The following CPSF4L variants were observed in gnomAD, a reference collection of about 807,000 sequenced individuals.
CPSF4L encodes the protein cleavage and polyadenylation specific factor 4 like.
In CPSF4L, 18 loss-of-function variants were observed where a neutral mutation model predicts 24.0. The ratio of observed to expected loss-of-function variants is 0.75; its 90% CI spans 0.52 to 1.11. The LOEUF is 1.11. Among genes scored for constraint, CPSF4L ranks in the 50% least tolerant of loss-of-function variants. The pLI, the probability that CPSF4L is intolerant of heterozygous loss-of-function variation, is 0.00. For synonymous variants in CPSF4L, 72 were observed against 77.2 expected, an observed-to-expected ratio of 0.93 and a Z score of 0.35; for missense variants, 211 against 221.8, an observed-to-expected ratio of 0.95 and a Z score of 0.31.
At chr17:73,243,773 T>C (rs112480191), downstream of CPSF4L, among the ~76,000 whole-genome samples, 1 of 152,200 alleles carries the variant, frequency 6.6e-6, no homozygotes, top group African/African-American at 2.4e-5. Context: ...GACCTCATGA[T>C]TCTCCTGCCT....
chr17:73,245,043 T>C, downstream of CPSF4L: 5 of 815,684 alleles, frequency 6.1e-6, no homozygotes, highest in South Asian at 8.9e-5. Flanking sequence ...AAACTTCTCA[T>C]TGTGCTTAAT....
chr17:73,245,707 G>T (rs2061940736), downstream of CPSF4L: 1 of 985,240 alleles, frequency 1.0e-6, no homozygotes, highest in Non-Finnish European at 1.2e-6. Context: ...AAGAGCTAAG[G>T]ATGGGCATTC....
intron 5 of CPSF4L, chr17:73,251,188 G>A (rs2062004546): frequency 7.3e-7 from 1 of 1,368,794 alleles, no homozygotes; most frequent in Non-Finnish European, 9.5e-7. Context: ...CCGGGACGCT[G>A]GCCATGCATT....
intron 5 of CPSF4L, 188 bp from the exon 6 acceptor site, chr17:73,248,724 TCA>T: frequency 1.6e-6 from 1 of 635,004 alleles, no homozygotes; most frequent in South Asian, 1.9e-5. Context: ...CGGCTGTAAC[TCA>T]CACGTGGTCT....
In CPSF4L at chr17:73,253,956, C is replaced by T; in HGVS notation, c.378G>A (p.Trp126Ter). Residue 126 changes from tryptophan (W) to a stop codon, truncating the protein, a stop_gained, in exon 4 of 6, where the codon TGG becomes TGA. Transcript: ENST00000344935. LOFTEE classifies it high-confidence loss of function. ...KPAFKSQDCP[W>*]YDQGFCKDGP... ...CGTCCTTGCAGAAACCTTGGTCATA[C>T]CAAGGACAGTCCTGGGACTTGAAAG... 6.4e-7 allele frequency: 1 copy of T among 1,551,632 alleles called. No homozygotes were observed. Among genetic ancestry groups the T allele is most frequent in the Non-Finnish European group, 8.7e-7 (1 of 1,146,946 alleles).
upstream of CPSF4L, among the ~76,000 whole-genome samples, chr17:73,263,755 G>A (rs572447094): frequency 1.3e-5 from 2 of 151,534 alleles, no homozygotes; most frequent in South Asian, 4.2e-4. Context: ...GGGATGGTCG[G>A]GGGAAGACTG....
In CPSF4L at chr17:73,260,991, G is replaced by A; in HGVS notation, c.104-8C>T. 2 of 1,549,594 alleles carry A rather than the reference G, an allele frequency of 1.3e-6. No homozygotes were observed. The highest frequency in any genetic ancestry group is 1.7e-6 in the Non-Finnish European group (2 of 1,145,650). Reference sequence around the variant, plus strand: ...ACACAGCTGAGGCCGACTCTGGAAGGAGAAGAGGGAACGGAGAAGGTAGCT... The same window carrying A: ...ACACAGCTGAGGCCGACTCTGGAAGAAGAAGAGGGAACGGAGAAGGTAGCT... On this transcript the variant is annotated splice_polypyrimidine_tract_variant and splice_region_variant and intron_variant, in intron 1 of 5. Transcript: ENST00000344935.
chr17:73,248,151 A>T (rs1029740359), downstream of CPSF4L: 12 of 260,006 alleles, frequency 4.6e-5, no homozygotes, highest in Non-Finnish European at 8.2e-5. Flanking sequence ...TTTTTCGCTC[A>T]TGTATGCAAA....
At chr17:73,255,031 C>T (rs933765234) in intron 3 of CPSF4L, among the ~76,000 whole-genome samples, 1 of 152,220 alleles carries the variant, frequency 6.6e-6, no homozygotes, top group Admixed American at 6.5e-5. Flanking sequence ...ACTTTCACTT[C>T]ATTCAAGTTG....
At chr17:73,253,813 C>T (rs1442991175) in intron 4 of CPSF4L, 118 bp downstream of exon 4, 8 of 612,992 alleles carry the variant, frequency 1.3e-5, no homozygotes, top group Admixed American at 2.9e-5. Flanking sequence ...TACAGAAAGG[C>T]CTTCTATTTG....
At chr17:73,247,218 T>C (rs776485530), downstream of CPSF4L, 1 of 1,606,618 alleles carries the variant, frequency 6.2e-7, no homozygotes, top group Non-Finnish European at 8.5e-7. Context: ...AAGCTGAAAA[T>C]ATTTACTATC....
chr17:73,250,697 A>G (rs141988194), intron 5 of CPSF4L, among the ~76,000 whole-genome samples: 32 of 152,162 alleles, frequency 2.1e-4, no homozygotes, highest in Non-Finnish European at 3.2e-4. Flanking sequence ...CCTTAACCAT[A>G]CTCTGCCCTC....
chr17:73,259,038 C>CTTTCTT (rs60682139), intron 2 of CPSF4L, among the ~76,000 whole-genome samples: 104,219 of 151,358 alleles, frequency 0.69, 38,059 homozygotes, highest in East Asian at 0.81. Flanking sequence ...TCCTAAGTTT[C>CTTTCTT]TTTAATTTAT....
At chr17:73,259,100 G>A (rs907754578) in intron 2 of CPSF4L, among the ~76,000 whole-genome samples, 1 of 151,478 alleles carries the variant, frequency 6.6e-6, no homozygotes, top group Non-Finnish European at 1.5e-5. Context: ...GAGTGCAATG[G>A]CAAAGTCATG....
At chr17:73,256,629 AGAATC>A (rs1182774702) in intron 3 of CPSF4L, among the ~76,000 whole-genome samples, 3 of 152,352 alleles carry the variant, frequency 2.0e-5, no homozygotes, top group African/African-American at 7.2e-5. Flanking sequence ...TCTGAGCTGT[AGAATC>A]GTATTGTGAA....
chr17:73,247,185 C>T (rs1179761698), downstream of CPSF4L: 25 of 1,510,922 alleles, frequency 1.7e-5, no homozygotes, highest in Admixed American at 8.4e-5. Context: ...CGAGTAGTTG[C>T]GACAGAAACC....
At chr17:73,254,049 T>C in intron 3 of CPSF4L, 23 bp from the exon 4 acceptor site, 3 of 1,529,692 alleles carry the variant, frequency 2.0e-6, no homozygotes, top group Middle Eastern at 1.7e-4. Context: ...GCACTCTCTG[T>C]AGAAGCAGTT....
At chr17:73,245,949 GGTT>G (rs1250451948), downstream of CPSF4L, among the ~76,000 whole-genome samples, 27 of 151,962 alleles carry the variant, frequency 1.8e-4, 1 homozygote, top group Admixed American at 1.8e-3. Flanking sequence ...CATTTGTTAG[GGTT>G]GTTTTTGGCT....
In CPSF4L at chr17:73,257,811, A is replaced by T; in HGVS notation, c.177T>A (p.His59Gln). 6.4e-7 allele frequency: 1 copy of T among 1,551,504 alleles called. No homozygotes were observed. The highest frequency in any genetic ancestry group is 8.7e-7 in the Non-Finnish European group (1 of 1,146,918). Residue 59 changes from histidine to glutamine, a missense_variant, in exon 3 of 6, where the codon CAT becomes CAA. Physicochemically the swap from His to Gln is conservative, Grantham distance 24. Transcript: ENST00000344935. ...CEKGKLCPFR[H>Q]DRGEKMVVCK... ...ATACCACCATCTTCTCCCCTCGGTC[A>T]TGTCGGAAGGGGCAGAGTTTCCCTG...
Sources: gnomAD v4.1 joint callset for allele counts (sites outside exome capture counted in the v4.1 genomes callset) on GRCh38, gnomAD v4.1.1 for gene constraint, MANE v1.5 for transcripts, NCBI Gene and HGNC (gene_info 2026-07-23, HGNC 2026-07-21) for gene names.